SRGAP1: variants seen among roughly 807,000 people sequenced by gnomAD.
The protein encoded by SRGAP1 is SLIT-ROBO Rho GTPase-activating protein 1.
A neutral mutation model predicts 121.9 loss-of-function variants in SRGAP1; 43 were observed. That is an observed-to-expected ratio of 0.35 (90% confidence interval 0.28 to 0.46). The LOEUF is 0.46. Ranked by LOEUF, SRGAP1 falls within the 20% of genes least tolerant of loss-of-function variation. The pLI, the probability that SRGAP1 is intolerant of heterozygous loss-of-function variation, is 1.00. For missense variants in SRGAP1, 1,102 were observed against 1,350.9 expected (o/e 0.82, Z 2.89); for synonymous variants, 447 against 485.4 (o/e 0.92, Z 1.04).
At chr12:64,048,728 T>G (rs61931201) in intron 6 of SRGAP1, among the ~76,000 whole-genome samples, 30,547 of 152,152 alleles carry the variant, frequency 0.2, 3,553 homozygotes, top group Non-Finnish European at 0.27. Flanking sequence ...CATTGTAGTT[T>G]TGATTTGCAT....
chr12:64,001,309 G>T (rs1271633797), intron 3 of SRGAP1, among the ~76,000 whole-genome samples: 2 of 152,210 alleles, frequency 1.3e-5, no homozygotes, highest in African/African-American at 4.8e-5. Context: ...TAAATATGTA[G>T]TGTACTTTCC....
intron 6 of SRGAP1, among the ~76,000 whole-genome samples, chr12:64,059,850 A>G (rs1211476944): frequency 3.3e-5 from 5 of 152,198 alleles, no homozygotes; most frequent in Admixed American, 2.6e-4. Context: ...GAAATGTATT[A>G]ATGATGAGAC....
intron 1 of SRGAP1, among the ~76,000 whole-genome samples, chr12:63,942,843 T>G (rs1161759286): frequency 6.6e-6 from 1 of 152,220 alleles, no homozygotes; most frequent in Non-Finnish European, 1.5e-5. Context: ...CTTAGCACAA[T>G]GCTTAACATT....
rs1271662809 is a variant in SRGAP1, at chr12:64,147,395, G to GA, written c.*4724dup. The GA allele has an allele frequency of 1.1e-5, 1 of 92,080 alleles. No homozygotes were observed. The highest frequency in any genetic ancestry group is 2.0e-5 in the Non-Finnish European group (1 of 50,442). The allele number at this position is 92,080 out of a possible 1,614,324, so 5.7% of individuals were successfully genotyped here. A position where few individuals can be genotyped will look rare whatever the true frequency, so the allele number is the denominator to read the frequency against. On this transcript the variant is annotated 3_prime_UTR_variant, in exon 22 of 22. Coordinates refer to ENST00000355086, the MANE Select transcript of SRGAP1 (RefSeq NM_020762.4). Reference sequence around the variant, plus strand: ...TCCTCCCAATTCCTGCTGCCCACTCGAGTGTTTCGAAGCTTCCTCCCTGTC... The same window carrying GA: ...TCCTCCCAATTCCTGCTGCCCACTCGAAGTGTTTCGAAGCTTCCTCCCTGTC...
intron 6 of SRGAP1, among the ~76,000 whole-genome samples, chr12:64,044,939 A>G (rs1348224982): frequency 6.6e-6 from 1 of 151,846 alleles, no homozygotes; most frequent in Non-Finnish European, 1.5e-5. Flanking sequence ...CTCAGCCTCC[A>G]GAAGAGCTGG....
At chr12:64,078,793 TA>T in intron 8 of SRGAP1, 125 bp from the exon 9 acceptor site, 1 of 887,380 alleles carries the variant, frequency 1.1e-6, no homozygotes, top group Non-Finnish European at 1.7e-6. Flanking sequence ...GTTTCTCTCC[TA>T]ATAGACTGTG....
intron 4 of SRGAP1, among the ~76,000 whole-genome samples, chr12:64,033,666 C>T (rs540888423): frequency 1.6e-4 from 25 of 151,806 alleles, no homozygotes; most frequent in Non-Finnish European, 3.1e-4. Context: ...TGCAGTGAGC[C>T]GAGCTCATGA....
rs539023312 is a variant in SRGAP1 at position 63,931,518 on chromosome 12, A to G, written c.68-52429A>G. ...ATTTATTGAGTACACGCTACTACATATGGATGAAGCACTGTGTTAATGCAA... is the reference window on the plus strand; with the variant it reads ...ATTTATTGAGTACACGCTACTACATGTGGATGAAGCACTGTGTTAATGCAA... On this transcript the variant is annotated intron_variant, in intron 1 of 21. Coordinates refer to ENST00000355086, the MANE Select transcript of SRGAP1 (RefSeq NM_020762.4). 3.3e-5 allele frequency among the ~76,000 whole-genome samples: 5 copies of G among 152,274 alleles called. No homozygotes were observed. In the East Asian group the frequency reaches 7.7e-4, roughly 24 times the overall value.
chr12:63,984,679 C>T (rs914269947), intron 2 of SRGAP1, among the ~76,000 whole-genome samples: 5 of 152,082 alleles, frequency 3.3e-5, no homozygotes, highest in Admixed American at 2.0e-4. Flanking sequence ...TTAAAAAACA[C>T]ACATAAGATG....
At chr12:63,868,144 C>T (rs1490652674) in intron 1 of SRGAP1, among the ~76,000 whole-genome samples, 6 of 139,102 alleles carry the variant, frequency 4.3e-5, no homozygotes, top group East Asian at 2.2e-4. Context: ...TGCACTGGCA[C>T]GATCTCGGCT....
intron 4 of SRGAP1, among the ~76,000 whole-genome samples, chr12:64,027,936 G>A (rs766692166): frequency 1.3e-5 from 2 of 152,150 alleles, no homozygotes; most frequent in Non-Finnish European, 2.9e-5. Flanking sequence ...AGATTCTGAA[G>A]TATCTTGGGT....
intron 1 of SRGAP1, among the ~76,000 whole-genome samples, chr12:63,873,493 A>G (rs935642444): frequency 5.3e-5 from 8 of 150,378 alleles, no homozygotes; most frequent in Non-Finnish European, 1.2e-4. Context: ...AGATTGAGCC[A>G]TTCCACTCCA....
intron 1 of SRGAP1, among the ~76,000 whole-genome samples, chr12:63,930,022 A>G (rs1342829215): frequency 6.6e-6 from 1 of 152,214 alleles, no homozygotes; most frequent in Non-Finnish European, 1.5e-5. Context: ...CAGAATGGCA[A>G]TTATTAAAAA....
At chr12:64,086,736 A>AC (rs2035948375) in intron 10 of SRGAP1, among the ~76,000 whole-genome samples, 1 of 151,596 alleles carries the variant, frequency 6.6e-6, no homozygotes. Flanking sequence ...AAAAAAAAAA[A>AC]AAAAAACACA....
At position 64,094,959 on chromosome 12, in the gene SRGAP1, G is replaced by A. The variant is rs1425401060; in HGVS notation, c.1567G>A (p.Val523Met). 2 of 1,614,096 alleles carry A rather than the reference G, an allele frequency of 1.2e-6. No individual in the cohort carries two copies. Among genetic ancestry groups the A allele is most frequent in the Non-Finnish European group, 1.7e-6 (2 of 1,179,978 alleles). ...CTCAGGACAGGTTATTCCCCTCATT[G>A]TGGAAAGCTGTATTCGGTTCATCAA... ...KDSGQVIPLI[V>M]ESCIRFINLY... The change falls in exon 13 of 22, where the codon GTG (valine) becomes ATG (methionine). Residue 523 changes from valine (V) to methionine (M), a missense_variant. Physicochemically the swap from Val to Met is conservative, Grantham distance 21 (BLOSUM62 1). Around this residue, in one of 3 missense-constraint regions of SRGAP1, gnomAD observed 747 missense variants for 929.4 expected, o/e 0.80. Coordinates refer to ENST00000355086, the MANE Select transcript of SRGAP1 (RefSeq NM_020762.4).
chr12:64,118,642 C>T (rs2036559298), intron 18 of SRGAP1, among the ~76,000 whole-genome samples: 1 of 151,806 alleles, frequency 6.6e-6, no homozygotes, highest in African/African-American at 2.4e-5. Flanking sequence ...TTTGCATTCT[C>T]CTGATGATTA....
At chr12:64,094,431 G>A (rs2036115497) in intron 12 of SRGAP1, among the ~76,000 whole-genome samples, 1 of 152,102 alleles carries the variant, frequency 6.6e-6, no homozygotes, top group African/African-American at 2.4e-5. Context: ...TGCAAACTAA[G>A]TAAATACATG....
chr12:64,015,108 C>T (rs1297561451), intron 3 of SRGAP1, among the ~76,000 whole-genome samples: 1 of 152,138 alleles, frequency 6.6e-6, no homozygotes, highest in Non-Finnish European at 1.5e-5. Flanking sequence ...TGAGCCAACG[C>T]GACCAGCCAT....
chr12:64,137,961 A>AAAAAATATAT (rs372355390), intron 21 of SRGAP1, among the ~76,000 whole-genome samples: 44 of 139,676 alleles, frequency 3.2e-4, no homozygotes, highest in Non-Finnish European at 6.5e-4. Context: ...TTAAAAAAAA[A>AAAAAATATAT]ATATATATAT....
Sources: allele counts gnomAD v4.1 joint callset (sites outside exome capture counted in the v4.1 genomes callset), GRCh38; gene constraint gnomAD v4.1.1; regional missense constraint gnomAD v4.1.1; transcripts MANE v1.5; gene names NCBI Gene and HGNC (gene_info 2026-07-23, HGNC 2026-07-21).